Variants in DYNC2H1 observed in about 807,000 individuals in gnomAD.
The protein encoded by DYNC2H1 is dynein cytoplasmic 2 heavy chain 1, also known as cytoplasmic dynein 2 heavy chain 1.
A neutral mutation model predicts 570.0 loss-of-function variants in DYNC2H1; 410 were observed. The observed-to-expected ratio is 0.72, with a 90% CI of 0.66 to 0.78. The LOEUF is 0.78. Ranked by LOEUF, DYNC2H1 falls within the 30% of genes least tolerant of loss-of-function variation. The pLI is 0.00. For missense variants in DYNC2H1, 4,865 were observed against 5,046.4 expected (o/e 0.96, Z 1.09); for synonymous variants, 1,688 against 1,677.6 (o/e 1.01, Z -0.15).
intron 58 of DYNC2H1, 144 bp from the exon 59 acceptor site, chr11:103,222,821 C>T: frequency 2.5e-6 from 2 of 805,770 alleles, no homozygotes; most frequent in South Asian, 3.6e-5. Context: ...TAGAAGTTCA[C>T]TGTATTTTTA....
intron 77 of DYNC2H1, among the ~76,000 whole-genome samples, chr11:103,306,047 G>A (rs1414644748): frequency 1.3e-5 from 2 of 152,068 alleles, no homozygotes; most frequent in Non-Finnish European, 1.5e-5. Flanking sequence ...AAGTAGCTGC[G>A]ATTACAGGCA....
rs1271440108 is a variant in DYNC2H1 at position 103,209,092 on chromosome 11, CAT to C, written c.8455-783_8455-782del. ...CATTCGAACTCTGCATTAATGAAGA[CAT>C]CTTTTGGCTTACATTTTTTTTTCAG... On this transcript the variant is annotated intron_variant, in intron 52 of 88. Coordinates refer to ENST00000375735, the MANE Select transcript of DYNC2H1 (RefSeq NM_001377.3). The surrounding 1 kb of genome is among the most constrained non-coding windows in gnomAD (Gnocchi z 4.2). Among the ~76,000 whole-genome samples the C allele has an allele frequency of 2.6e-5, 4 of 151,988 alleles. No individual in the cohort carries two copies. Among genetic ancestry groups the C allele is most frequent in the African/African-American group, 9.7e-5 (4 of 41,374 alleles).
chr11:103,197,213 T>C (rs573333557), intron 47 of DYNC2H1, among the ~76,000 whole-genome samples: 23 of 152,236 alleles, frequency 1.5e-4, no homozygotes, highest in African/African-American at 5.3e-4. Flanking sequence ...GATTGTTTTA[T>C]TTGCTAATTT....
chr11:103,403,074 C>G (rs1317998019), intron 84 of DYNC2H1: 3 of 151,930 alleles, frequency 2.0e-5, no homozygotes, highest in Non-Finnish European at 4.4e-5. Context: ...CAGGTTTGTC[C>G]TTTAATGTTA....
At chr11:103,232,659 A>C (rs1864063008) in intron 60 of DYNC2H1, among the ~76,000 whole-genome samples, 1 of 152,044 alleles carries the variant, frequency 6.6e-6, no homozygotes, top group African/African-American at 2.4e-5. Context: ...AAAAATAAGC[A>C]TGATCTATCA....
In DYNC2H1 at chr11:103,176,440, T is replaced by G; in HGVS notation, c.5874+6T>G. ...ATGAAATTATACCCAATCAGGTAAC[T>G]GTCAAGAATATTTTATAATAGATTG... On this transcript the variant is annotated splice_donor_region_variant and intron_variant, in intron 37 of 88. Transcript: ENST00000375735. 3 of 1,497,726 alleles carry G rather than the reference T, an allele frequency of 2.0e-6. No individual in the cohort carries two copies. The highest frequency in any genetic ancestry group is 2.7e-6 in the Non-Finnish European group (3 of 1,128,178). 92.8% of individuals were successfully genotyped at this position (1,497,726 alleles called of 1,614,324 possible). A position where few individuals can be genotyped will look rare whatever the true frequency, so the allele number is the denominator to read the frequency against.
intron 31 of DYNC2H1, among the ~76,000 whole-genome samples, chr11:103,167,204 A>G (rs1861358485): frequency 6.6e-6 from 1 of 151,668 alleles, no homozygotes; most frequent in South Asian, 2.1e-4. Context: ...ACTTGTTTCA[A>G]AAGTCTTCAC....
At chr11:103,448,497 T>C (rs1336877496) in intron 85 of DYNC2H1, among the ~76,000 whole-genome samples, 5 of 152,080 alleles carry the variant, frequency 3.3e-5, no homozygotes, top group African/African-American at 1.2e-4. Context: ...TAAAATACCA[T>C]AAAAACAAAG....
chr11:103,382,127 T>G (rs1941674323), intron 83 of DYNC2H1, among the ~76,000 whole-genome samples: 1 of 152,166 alleles, frequency 6.6e-6, no homozygotes, highest in Admixed American at 6.5e-5. Context: ...TAATACCTGT[T>G]GATGGTGATA....
Position 103,177,853 on chromosome 11 carries a change from T to C in DYNC2H1, c.6139+33T>C, listed in dbSNP as rs377632683. 95 of 1,563,752 alleles carry C rather than the reference T, an allele frequency of 6.1e-5. No homozygotes were observed. The Middle Eastern group carries it at 6.7e-4, about 11-fold the overall frequency. On this transcript the variant is annotated intron_variant, in intron 38 of 88. Transcript: ENST00000375735. The surrounding 1 kb of genome is among the most constrained non-coding windows in gnomAD (Gnocchi z 4.4). ...TCTATGTATACTTCTTTGCTTTACT[T>C]AGTAATTCTTAGATAATGATATAAT...
At chr11:103,431,285 ATAAATT>A (rs1943883808) in intron 84 of DYNC2H1, among the ~76,000 whole-genome samples, 1 of 151,892 alleles carries the variant, frequency 6.6e-6, no homozygotes, top group South Asian at 2.1e-4. Flanking sequence ...CTCCATGATT[ATAAATT>A]TAATTCCCAA....
rs1266981810 is a variant in DYNC2H1 at position 103,312,048 on chromosome 11, G to A, written c.11649+15G>A. 1 of 1,597,962 alleles carries A rather than the reference G, an allele frequency of 6.3e-7. No homozygotes were observed. The highest frequency in any genetic ancestry group is 2.2e-5 in the East Asian group (1 of 44,694). On this transcript the variant is annotated intron_variant, in intron 79 of 88. Transcript: ENST00000375735. ...ATATTCCTCAGGTAAGTAAGAACAT[G>A]TCTTGAATACATTCTAAGCTTTATA...
At chr11:103,341,295 ACT>A (rs1939427825) in intron 82 of DYNC2H1, among the ~76,000 whole-genome samples, 1 of 152,186 alleles carries the variant, frequency 6.6e-6, no homozygotes, top group East Asian at 1.9e-4. Context: ...TAAAAGCAAA[ACT>A]CAGATCACTT....
rs190027349 is a variant in DYNC2H1, at chr11:103,110,720, A to G, written c.195+951A>G. On this transcript the variant is annotated intron_variant, in intron 1 of 88. Coordinates refer to ENST00000375735, the MANE Select transcript of DYNC2H1 (RefSeq NM_001377.3). ...AAAGGGGACTCAGTAAATAGATTTAAGTTAATAAAACAAAGACATATTTTA... is the reference window on the plus strand; with the variant it reads ...AAAGGGGACTCAGTAAATAGATTTAGGTTAATAAAACAAAGACATATTTTA... 2.4e-4 allele frequency among the ~76,000 whole-genome samples: 37 copies of G among 152,312 alleles called. No homozygotes were observed. In the East Asian group the frequency reaches 6.9e-3, roughly 29 times the overall value.
chr11:103,121,563 G>T, intron 10 of DYNC2H1, 67 bp downstream of exon 10: 1 of 1,516,024 alleles, frequency 6.6e-7, no homozygotes, highest in Non-Finnish European at 9.0e-7. Flanking sequence ...CATGTAGAAG[G>T]TACTCTAGAG....
At position 103,293,154 on chromosome 11, in the gene DYNC2H1, C is replaced by G. The variant is rs188147234; in HGVS notation, c.11095+5549C>G. Among the ~76,000 whole-genome samples the G allele has an allele frequency of 2.0e-5, 3 of 151,968 alleles. No individual in the cohort carries two copies. The East Asian group carries it at 5.8e-4, about 29-fold the overall frequency. ...TGTTTGCCTGGGAAAGTTTTTATTT[C>G]TTTTTTATGTTTGAAGAATGATGTT... is the stretch of plus-strand genomic sequence containing the variant. On this transcript the variant is annotated intron_variant, in intron 75 of 88. Transcript: ENST00000375735.
At chr11:103,294,528 C>T (rs1866742257) in intron 75 of DYNC2H1, among the ~76,000 whole-genome samples, 2 of 152,260 alleles carry the variant, frequency 1.3e-5, no homozygotes, top group Non-Finnish European at 2.9e-5. Context: ...TCTCTGGGTT[C>T]CTAGACAAAA....
Position 103,163,884 on chromosome 11 carries a change from G to A in DYNC2H1, c.4611+737G>A, listed in dbSNP as rs938360121. Among the ~76,000 whole-genome samples, 2 of 152,130 alleles carry A rather than the reference G, an allele frequency of 1.3e-5. No homozygotes were observed. Among genetic ancestry groups the A allele is most frequent in the East Asian group, 3.9e-4 (2 of 5,192 alleles). ...TGCTTTTCAAATAAAAAAAAATGTA[G>A]TGGCTATTGGAACAGGTTTTTATGT... On this transcript the variant is annotated intron_variant, in intron 30 of 88. Coordinates refer to ENST00000375735, the MANE Select transcript of DYNC2H1 (RefSeq NM_001377.3). This position sits in a 1 kb window ranked among gnomAD's most constrained non-coding sequence, Gnocchi z 4.6.
intron 29 of DYNC2H1, among the ~76,000 whole-genome samples, chr11:103,161,640 G>A (rs1280337992): frequency 6.6e-6 from 1 of 152,078 alleles, no homozygotes; most frequent in Non-Finnish European, 1.5e-5. Context: ...AAAATTAAAT[G>A]AGATAATTGG....
Sources: gnomAD v4.1 joint callset for allele counts (sites outside exome capture counted in the v4.1 genomes callset) on GRCh38, gnomAD v4.1.1 for gene constraint, Gnocchi (gnomAD v3.1) non-coding constraint, MANE v1.5 for transcripts, NCBI Gene and HGNC (gene_info 2026-07-23, HGNC 2026-07-21) for gene names.